The following TNRC6B variants were observed in gnomAD, a reference collection of about 807,000 sequenced individuals.
TNRC6B encodes trinucleotide repeat-containing gene 6B protein.
In TNRC6B, 52 loss-of-function variants were observed where a neutral mutation model predicts 203.6. That is an observed-to-expected ratio of 0.26 (90% confidence interval 0.20 to 0.32). The LOEUF is 0.32. TNRC6B is among the 10% of genes least tolerant of loss of function. TNRC6B has a pLI of 1.00. For missense variants in TNRC6B, 1,923 were observed against 2,286.2 expected, an observed-to-expected ratio of 0.84 and a Z score of 3.24; for synonymous variants, 838 against 845.7, an observed-to-expected ratio of 0.99 and a Z score of 0.16.
intron 1 of TNRC6B, among the ~76,000 whole-genome samples, chr22:40,182,063 T>A (rs2069138507): frequency 6.6e-6 from 1 of 151,614 alleles, no homozygotes; most frequent in Non-Finnish European, 1.5e-5. Flanking sequence ...GACAATATGG[T>A]GAACCCTTGT....
intron 5 of TNRC6B, 73 bp downstream of exon 5, chr22:40,267,109 A>G (rs2070493381): frequency 2.1e-6 from 3 of 1,404,140 alleles, no homozygotes; most frequent in East Asian, 2.6e-5. Flanking sequence ...TTATTAGGTG[A>G]ATTTATTCAA....
chr22:40,299,477 A>G (rs1247927362), intron 12 of TNRC6B, among the ~76,000 whole-genome samples: 1 of 152,188 alleles, frequency 6.6e-6, no homozygotes, highest in African/African-American at 2.4e-5. Flanking sequence ...GACCTCAGGT[A>G]ATCCACCCAC....
At chr22:40,210,029 AAAAG>A (rs2069539624) in intron 1 of TNRC6B, among the ~76,000 whole-genome samples, 1 of 151,332 alleles carries the variant, frequency 6.6e-6, no homozygotes, top group Non-Finnish European at 1.5e-5. Flanking sequence ...AAAAAAAAAA[AAAAG>A]AGAGAATGCA....
rs189663989 is a variant in TNRC6B at position 40,091,804 on chromosome 22, C to T, written c.-120-25251C>T. 4.4e-3 allele frequency among the ~76,000 whole-genome samples: 677 copies of T among 152,184 alleles called. 9 individuals carry two copies. Among genetic ancestry groups the T allele is most frequent in the Non-Finnish European group, 4.3e-3 (292 of 68,014 alleles). On this transcript the variant is annotated intron_variant, in intron 1 of 23. Transcript: ENST00000301923. The stretch of plus-strand genomic sequence containing the variant: ...TATTATTGTCTACTTCTGTGTCTAG[C>T]ATTTTTTATAATGAAACTTAAAAAA...
At chr22:40,271,042 T>C (rs2070556003) in intron 6 of TNRC6B, among the ~76,000 whole-genome samples, 1 of 152,228 alleles carries the variant, frequency 6.6e-6, no homozygotes, top group African/African-American at 2.4e-5. Flanking sequence ...TTTCAGATTT[T>C]TTAAACCTGG....
intron 3 of TNRC6B, among the ~76,000 whole-genome samples, chr22:40,256,543 G>A (rs1156456391): frequency 1.3e-5 from 2 of 152,124 alleles, no homozygotes; most frequent in South Asian, 2.1e-4. Context: ...ATTTCAAGAC[G>A]TGAAAATGAC....
chr22:40,072,721 G>A (rs913281349), intron 1 of TNRC6B, among the ~76,000 whole-genome samples: 3 of 151,904 alleles, frequency 2.0e-5, no homozygotes, highest in Admixed American at 6.6e-5. Context: ...AAAATTAGCC[G>A]GGCATGGTGG....
At chr22:40,095,451 C>T (rs2068180002) in intron 1 of TNRC6B, among the ~76,000 whole-genome samples, 1 of 152,090 alleles carries the variant, frequency 6.6e-6, no homozygotes, top group Non-Finnish European at 1.5e-5. Context: ...CATGTAGCCA[C>T]CTCTCTTCTT....
chr22:40,117,880 T>C (rs897253785), intron 2 of TNRC6B, among the ~76,000 whole-genome samples: 1 of 152,222 alleles, frequency 6.6e-6, no homozygotes, highest in African/African-American at 2.4e-5. Flanking sequence ...TATTTGTATC[T>C]GTCTCCTTTA....
intron 1 of TNRC6B, among the ~76,000 whole-genome samples, chr22:40,229,456 T>TTC (rs1569029933): frequency 6.6e-6 from 1 of 152,138 alleles, no homozygotes; most frequent in Non-Finnish European, 1.5e-5. Flanking sequence ...TTTTTTTTTT[T>TTC]TCTCTCTCTT....
chr22:40,075,156 A>ATATTTTTTT, intron 1 of TNRC6B, among the ~76,000 whole-genome samples: 37 of 35,574 alleles, frequency 1.0e-3, no homozygotes, highest in Admixed American at 1.9e-3. Flanking sequence ...ATATATATAT[A>ATATTTTTTT]TTTTTTTTTT....
At chr22:40,065,246 A>G (rs1041498486) in intron 1 of TNRC6B, among the ~76,000 whole-genome samples, 6 of 152,094 alleles carry the variant, frequency 3.9e-5, no homozygotes, top group African/African-American at 1.5e-4. Context: ...TCCTAGGCTC[A>G]AGTGATCGTC....
intron 11 of TNRC6B, among the ~76,000 whole-genome samples, chr22:40,283,362 T>TG (rs2070742492): frequency 2.0e-5 from 3 of 152,136 alleles, no homozygotes; most frequent in Non-Finnish European, 2.9e-5. Flanking sequence ...TTTTTACAGA[T>TG]GGGGTCTTGC....
intron 11 of TNRC6B, among the ~76,000 whole-genome samples, chr22:40,281,988 A>G (rs1044312164): frequency 1.3e-5 from 2 of 152,148 alleles, no homozygotes; most frequent in Non-Finnish European, 2.9e-5. Context: ...CCTTCCCACA[A>G]TAGCTCTGTT....
intron 12 of TNRC6B, among the ~76,000 whole-genome samples, chr22:40,294,073 C>CAAA (rs11354611): frequency 8.7e-4 from 70 of 80,130 alleles, no homozygotes; most frequent in South Asian, 1.8e-3. Context: ...CCCATCTCTA[C>CAAA]AAAAAAAAAA....
At chr22:40,150,797 G>T (rs1280201722) in intron 3 of TNRC6B, among the ~76,000 whole-genome samples, 1 of 152,108 alleles carries the variant, frequency 6.6e-6, no homozygotes, top group East Asian at 1.9e-4. Flanking sequence ...TGTCTTTTTG[G>T]GGTAATTAAA....
At chr22:40,276,795 A>G (rs754758817) in intron 7 of TNRC6B, 5 of 261,466 alleles carry the variant, frequency 1.9e-5, no homozygotes, top group Non-Finnish European at 3.6e-5. Flanking sequence ...TTAGAAAATC[A>G]TATCAGACTT....
At chr22:40,154,971 T>C (rs1399103549) in intron 3 of TNRC6B, among the ~76,000 whole-genome samples, 3 of 142,760 alleles carry the variant, frequency 2.1e-5, no homozygotes, top group African/African-American at 7.8e-5. Flanking sequence ...AGAATCATAC[T>C]ACATATGCAT....
intron 21 of TNRC6B, among the ~76,000 whole-genome samples, chr22:40,320,751 G>A (rs1203269554): frequency 1.3e-5 from 2 of 152,184 alleles, no homozygotes; most frequent in South Asian, 2.1e-4. Flanking sequence ...TCAGCCATCA[G>A]CATTTTAAAT....
Sources: allele counts gnomAD v4.1 joint callset (sites outside exome capture counted in the v4.1 genomes callset), GRCh38; gene constraint gnomAD v4.1.1; transcripts MANE v1.5; gene names NCBI Gene and HGNC (gene_info 2026-07-23, HGNC 2026-07-21).